The following ADAMTS2 variants were observed in gnomAD, a reference collection of about 807,000 sequenced individuals.
ADAMTS2 encodes A disintegrin and metalloproteinase with thrombospondin motifs 2.
A neutral mutation model predicts 123.0 loss-of-function variants in ADAMTS2; 50 were observed. That is an observed-to-expected ratio of 0.41 (90% CI 0.32 to 0.51). The LOEUF is 0.51. ADAMTS2 is among the 20% of genes least tolerant of loss of function. The probability of loss-of-function intolerance (pLI) is 0.35; values close to 1 mark genes in which losing one functional copy is unlikely to be tolerated. For missense variants in ADAMTS2, 1,494 were observed against 1,705.2 expected (o/e 0.88, Z 2.18); for synonymous variants, 678 against 695.4 (o/e 0.98, Z 0.39).
chr5:179,260,979 T>G lies in ADAMTS2; in HGVS notation c.688+11932A>C, dbSNP rs1766206133. On this transcript the variant is annotated intron_variant, in intron 3 of 21. Coordinates refer to ENST00000251582, the MANE Select transcript of ADAMTS2 (RefSeq NM_014244.5). The surrounding 1 kb of genome is among the most constrained non-coding windows in gnomAD (Gnocchi z 4.2). Reference sequence around the variant, plus strand: ...GGCCCTCGGTGAATGGGCATGTCCTTGAACGCAAACTTGGCTCCAACGGGG... The same window carrying G: ...GGCCCTCGGTGAATGGGCATGTCCTGGAACGCAAACTTGGCTCCAACGGGG... Among the ~76,000 whole-genome samples the G allele has an allele frequency of 6.6e-6, 1 of 152,098 alleles. No individual in the cohort carries two copies. Among genetic ancestry groups the G allele is most frequent in the Non-Finnish European group, 1.5e-5 (1 of 68,022 alleles).
intron 3 of ADAMTS2, among the ~76,000 whole-genome samples, chr5:179,210,763 C>G (rs951439400): frequency 1.3e-5 from 2 of 152,218 alleles, no homozygotes; most frequent in African/African-American, 2.4e-5. Flanking sequence ...CCCAGCCCCC[C>G]TCCTGTCCTC....
At chr5:179,171,761 C>G (rs1763818882) in intron 5 of ADAMTS2, among the ~76,000 whole-genome samples, 1 of 152,128 alleles carries the variant, frequency 6.6e-6, no homozygotes, top group African/African-American at 2.4e-5. Flanking sequence ...TCTGGGCAGG[C>G]ATGAGTTAGG....
chr5:179,284,927 G>A (rs1755975142), intron 2 of ADAMTS2, among the ~76,000 whole-genome samples: 1 of 152,130 alleles, frequency 6.6e-6, no homozygotes, highest in Non-Finnish European at 1.5e-5. Context: ...TGTGGCCTCC[G>A]AGTCACTCTG....
intron 4 of ADAMTS2, among the ~76,000 whole-genome samples, chr5:179,206,156 G>A (rs952957216): frequency 2.4e-4 from 37 of 152,222 alleles, no homozygotes; most frequent in African/African-American, 8.4e-4. Context: ...CCGATGCAGC[G>A]GACTTCGGCC....
intron 2 of ADAMTS2, among the ~76,000 whole-genome samples, chr5:179,274,555 C>A (rs1766642022): frequency 6.6e-6 from 1 of 152,390 alleles, no homozygotes; most frequent in Non-Finnish European, 1.5e-5. Flanking sequence ...CCAAAGTAAC[C>A]TCATGATGGC....
At chr5:179,226,485 C>T (rs540305727) in intron 3 of ADAMTS2, among the ~76,000 whole-genome samples, 1 of 151,422 alleles carries the variant, frequency 6.6e-6, no homozygotes, top group Non-Finnish European at 1.5e-5. Context: ...CCATGTTAGC[C>T]AGGCTGGTTT....
intron 10 of ADAMTS2, among the ~76,000 whole-genome samples, chr5:179,151,800 C>T (rs1385348804): frequency 6.6e-6 from 1 of 152,128 alleles, no homozygotes; most frequent in Non-Finnish European, 1.5e-5. Context: ...CCGAGGACTC[C>T]AATGCTGGCC....
At chr5:179,261,115 G>A (rs1581227803) in intron 3 of ADAMTS2, among the ~76,000 whole-genome samples, 3 of 152,200 alleles carry the variant, frequency 2.0e-5, no homozygotes, top group East Asian at 1.9e-4. Flanking sequence ...AGCTTGTATC[G>A]AACATGACAG....
At chr5:179,196,123 G>GC (rs1454679275) in intron 4 of ADAMTS2, among the ~76,000 whole-genome samples, 2 of 152,168 alleles carry the variant, frequency 1.3e-5, no homozygotes, top group Non-Finnish European at 1.5e-5. Flanking sequence ...GAGAAATTGA[G>GC]CCCATATGCC....
At chr5:179,223,513 AATGCACTCACACAC>A (rs1486275626) in intron 3 of ADAMTS2, among the ~76,000 whole-genome samples, 2 of 57,228 alleles carry the variant, frequency 3.5e-5, no homozygotes, top group South Asian at 5.2e-4. Context: ...CACTCATACG[AATGCACTCACACAC>A]ATGCACTCAC....
Position 179,254,026 on chromosome 5 carries a change from G to C in ADAMTS2, c.688+18885C>G, listed in dbSNP as rs147813331. On this transcript the variant is annotated intron_variant, in intron 3 of 21. Coordinates refer to ENST00000251582, the MANE Select transcript of ADAMTS2 (RefSeq NM_014244.5). ...CCAGGGCGGGGCAGCAGGGCACAAG[G>C]CCACTTCAGTGTCAACACGGATCTC... Among the ~76,000 whole-genome samples, 865 of 152,316 alleles carry C rather than the reference G, an allele frequency of 5.7e-3. 11 individuals are homozygous for C. Among genetic ancestry groups the C allele is most frequent in the African/African-American group, 0.02 (826 of 41,552 alleles).
rs1023720875 is a variant in ADAMTS2, at chr5:179,228,856, C to T, written c.689-21141G>A. ...GGTGCTCCTTCCCAGAGGAGGGAGC[C>T]GAAGCTCTGCCAGTCTGCACTGAAG... is the stretch of plus-strand genomic sequence containing the variant. On this transcript the variant is annotated intron_variant, in intron 3 of 21. Coordinates refer to ENST00000251582, the MANE Select transcript of ADAMTS2 (RefSeq NM_014244.5). The surrounding 1 kb of genome is among the most constrained non-coding windows in gnomAD (Gnocchi z 5.2). Among the ~76,000 whole-genome samples the T allele has an allele frequency of 5.3e-5, 8 of 152,278 alleles. No individual in the cohort carries two copies. Among genetic ancestry groups the T allele is most frequent in the Admixed American group, 2.0e-4 (3 of 15,298 alleles).
At chr5:179,230,424 G>A (rs899077547) in intron 3 of ADAMTS2, among the ~76,000 whole-genome samples, 1 of 152,028 alleles carries the variant, frequency 6.6e-6, no homozygotes, top group East Asian at 1.9e-4. Flanking sequence ...TGCGCTCCAG[G>A]GCCTGCTTCT....
At chr5:179,324,295 T>C (rs1757255733) in intron 2 of ADAMTS2, among the ~76,000 whole-genome samples, 1 of 152,220 alleles carries the variant, frequency 6.6e-6, no homozygotes. Flanking sequence ...ACATAGTATG[T>C]GAATTATGTC....
chr5:179,300,842 G>A (rs747178663), intron 2 of ADAMTS2, among the ~76,000 whole-genome samples: 25 of 152,210 alleles, frequency 1.6e-4, no homozygotes, highest in African/African-American at 3.1e-4. Context: ...AGAAACGCAA[G>A]CCAGCAGACA....
rs151302798 is a variant in ADAMTS2 at position 179,180,562 on chromosome 5, C to T, written c.975+510G>A. ...CAGATACAAACCAACCAATCCAGCG[C>T]CCATGTCCCCAGCCACCTCCTTTAT... On this transcript the variant is annotated intron_variant, in intron 5 of 21. Transcript: ENST00000251582. The surrounding 1 kb of genome is among the most constrained non-coding windows in gnomAD (Gnocchi z 4.6). Among the ~76,000 whole-genome samples, 750 of 152,302 alleles carry T rather than the reference C, an allele frequency of 4.9e-3. 3 individuals are homozygous for T. The highest frequency in any genetic ancestry group is 0.017 in the African/African-American group (701 of 41,548).
intron 2 of ADAMTS2, among the ~76,000 whole-genome samples, chr5:179,280,913 A>G (rs982132050): frequency 2.0e-5 from 3 of 152,080 alleles, no homozygotes; most frequent in Non-Finnish European, 4.4e-5. Flanking sequence ...GCTGGAGTGC[A>G]GTGGCGCAAC....
At chr5:179,152,030 T>A (rs1763368526) in intron 10 of ADAMTS2, 112 bp downstream of exon 10, 1 of 906,244 alleles carries the variant, frequency 1.1e-6, no homozygotes, top group Non-Finnish European at 1.8e-6. Flanking sequence ...GCAGCAGAGG[T>A]CCCCTGAGAG....
chr5:179,168,487 A>G (rs571561663), intron 5 of ADAMTS2, among the ~76,000 whole-genome samples: 120 of 152,018 alleles, frequency 7.9e-4, no homozygotes, highest in Non-Finnish European at 1.4e-3. Context: ...CACAGCGCCT[A>G]CTCCACAGGG....
Sources: allele counts gnomAD v4.1 joint callset (sites outside exome capture counted in the v4.1 genomes callset), GRCh38; gene constraint gnomAD v4.1.1; non-coding constraint Gnocchi (gnomAD v3.1); transcripts MANE v1.5; gene names NCBI Gene and HGNC (gene_info 2026-07-23, HGNC 2026-07-21).